The following TFEB variants were observed in gnomAD, a reference collection of about 807,000 sequenced individuals.
The protein encoded by TFEB is transcription factor EB.
Under a neutral mutation model 48.0 loss-of-function variants are expected in TFEB, and 12 were observed. The observed-to-expected ratio is 0.25, with a 90% CI of 0.16 to 0.40. TFEB has a LOEUF of 0.40. Ranked by LOEUF, TFEB falls within the 10% of genes least tolerant of loss-of-function variation. The pLI, the probability that TFEB is intolerant of heterozygous loss-of-function variation, is 1.00. For synonymous variants in TFEB, 244 were observed against 261.4 expected (o/e 0.93, Z 0.64); for missense variants, 509 against 640.3 (o/e 0.79, Z 2.21).
chr6:41,699,810 G>A (rs964495731), intron 1 of TFEB, among the ~76,000 whole-genome samples: 2 of 152,168 alleles, frequency 1.3e-5, no homozygotes, highest in African/African-American at 2.4e-5. Context: ...GAGGTCAATG[G>A]GACACGCACA....
intron 1 of TFEB, among the ~76,000 whole-genome samples, chr6:41,702,622 A>G (rs1235831133): frequency 7.2e-6 from 1 of 139,112 alleles, no homozygotes; most frequent in African/African-American, 2.5e-5. Flanking sequence ...ACGTCAGCCT[A>G]TGTGGTCAAT....
chr6:41,712,204 T>C (rs1322691188), intron 1 of TFEB, among the ~76,000 whole-genome samples: 2 of 152,136 alleles, frequency 1.3e-5, no homozygotes, highest in Admixed American at 6.5e-5. Flanking sequence ...TGAACCCCCA[T>C]GTTTCTCACA....
chr6:41,687,653 G>C (rs995982985), intron 6 of TFEB, 100 bp downstream of exon 6: 1 of 1,487,400 alleles, frequency 6.7e-7, no homozygotes, highest in Non-Finnish European at 9.3e-7. Context: ...GCCTTGAGCA[G>C]GGAAGCCTTC....
In TFEB at chr6:41,734,775, G is replaced by A; in HGVS notation, c.-23+575C>T. The A allele has an allele frequency of 1.5e-5, 9 of 616,962 alleles. No homozygotes were observed. The highest frequency in any genetic ancestry group is 1.6e-5 in the Non-Finnish European group (8 of 492,694). The allele number at this position is 616,962 out of a possible 1,614,324, so 38.2% of individuals were successfully genotyped here. On this transcript the variant is annotated intron_variant, in intron 1 of 8. Transcript: ENST00000373033. This position sits in a 1 kb window ranked among gnomAD's most constrained non-coding sequence, Gnocchi z 4.0. ...ACCGAGCTGGAGGAAGGGACGGGAA[G>A]GGAGGGAGAGATGGTACTTCCACCC...
intron 1 of TFEB, chr6:41,705,908 G>A (rs12525948): frequency 0.074 from 11,300 of 152,294 alleles, 547 homozygotes; most frequent in East Asian, 0.2. Flanking sequence ...TGCCGGGAGA[G>A]GCTCCCACCT....
intron 1 of TFEB, among the ~76,000 whole-genome samples, chr6:41,700,238 G>T (rs186838034): frequency 1.3e-5 from 2 of 151,764 alleles, no homozygotes; most frequent in Non-Finnish European, 2.9e-5. Flanking sequence ...AGGCTGAGGC[G>T]GGCGGATCAC....
chr6:41,714,143 G>C (rs1221236876), intron 1 of TFEB, among the ~76,000 whole-genome samples: 1 of 53,130 alleles, frequency 1.9e-5, no homozygotes, highest in Non-Finnish European at 3.2e-5. Flanking sequence ...ATGTGTGCGT[G>C]TGTGTGCATG....
At position 41,684,442 on chromosome 6, in the gene TFEB, G is replaced by A; in HGVS notation, c.*157C>T. 1 of 934,254 alleles carries A rather than the reference G, an allele frequency of 1.1e-6. No homozygotes were observed. Among genetic ancestry groups the A allele is most frequent in the East Asian group, 3.2e-5 (1 of 31,734 alleles). The allele number at this position is 934,254 out of a possible 1,614,324, so 57.9% of individuals were successfully genotyped here. Reference sequence around the variant, plus strand: ...CTTCTCCTGACCCCACAGGCTGCCAGACAGGCACTAAGTCCAAACAGGGGC... The same window carrying A: ...CTTCTCCTGACCCCACAGGCTGCCAAACAGGCACTAAGTCCAAACAGGGGC... On this transcript the variant is annotated 3_prime_UTR_variant, in exon 9 of 9. Transcript: ENST00000373033.
At chr6:41,719,873 G>A (rs759111765) in intron 1 of TFEB, among the ~76,000 whole-genome samples, 4 of 152,128 alleles carry the variant, frequency 2.6e-5, no homozygotes, top group African/African-American at 9.7e-5. Context: ...GTAACCTTGG[G>A]TGAGAGATTT....
At chr6:41,701,434 C>T (rs1385318409) in intron 1 of TFEB, among the ~76,000 whole-genome samples, 1 of 152,248 alleles carries the variant, frequency 6.6e-6, no homozygotes, top group Non-Finnish European at 1.5e-5. Context: ...AGAACCTCCA[C>T]ACCATCCCAC....
Position 41,691,669 on chromosome 6 carries a change from G to A in TFEB, c.-22-434C>T, listed in dbSNP as rs749763478. Among the ~76,000 whole-genome samples, 19 of 152,022 alleles carry A rather than the reference G, an allele frequency of 1.2e-4. No homozygotes were observed. Among genetic ancestry groups the A allele is most frequent in the Non-Finnish European group, 2.6e-4 (18 of 67,992 alleles). ...GACTGCCTCCTCTGGCTTGCCCTAG[G>A]ACGTTCTACTGGCAACTCAGTAGAG... On this transcript the variant is annotated intron_variant, in intron 1 of 8. Transcript: ENST00000373033. This position sits in a 1 kb window ranked among gnomAD's most constrained non-coding sequence, Gnocchi z 5.2.
intron 1 of TFEB, among the ~76,000 whole-genome samples, chr6:41,727,570 T>C (rs998265836): frequency 2.0e-5 from 3 of 152,214 alleles, no homozygotes; most frequent in Middle Eastern, 3.2e-3. Context: ...CACGTGCCTC[T>C]GGTCCCAGCT....
intron 1 of TFEB, among the ~76,000 whole-genome samples, chr6:41,692,640 G>C (rs1409824649): frequency 1.3e-5 from 2 of 152,222 alleles, no homozygotes; most frequent in Non-Finnish European, 2.9e-5. Context: ...CCCTAGGTAA[G>C]TGACCCTGGG....
In TFEB at chr6:41,691,530, C is replaced by T; in HGVS notation, c.-22-295G>A. 1 of 609,690 alleles carries T rather than the reference C, an allele frequency of 1.6e-6. No homozygotes were observed. Among genetic ancestry groups the T allele is most frequent in the Non-Finnish European group, 3.1e-6 (1 of 326,606 alleles). 37.8% of individuals were successfully genotyped at this position (609,690 alleles called of 1,614,324 possible). A position where few individuals can be genotyped will look rare whatever the true frequency, so the allele number is the denominator to read the frequency against. On this transcript the variant is annotated intron_variant, in intron 1 of 8. Coordinates refer to ENST00000373033, the MANE Select transcript of TFEB (RefSeq NM_001271944.2). This position sits in a 1 kb window ranked among gnomAD's most constrained non-coding sequence, Gnocchi z 5.2. ...CTTCCACTCCTCTCTGTGTCACGCC[C>T]ACATCCTGATCCTGTTAGATCCGAC...
chr6:41,725,987 C>T (rs1300942282), intron 1 of TFEB, among the ~76,000 whole-genome samples: 1 of 152,174 alleles, frequency 6.6e-6, no homozygotes, highest in African/African-American at 2.4e-5. Flanking sequence ...CTCACGCCTG[C>T]AATCCTGGCA....
intron 1 of TFEB, chr6:41,735,067 GC>G: frequency 1.0e-6 from 1 of 984,872 alleles, no homozygotes; most frequent in Non-Finnish European, 1.2e-6. Context: ...GGCCCCTCCC[GC>G]CCGGTTACAT....
chr6:41,708,610 T>C (rs972892920), intron 1 of TFEB, among the ~76,000 whole-genome samples: 2 of 152,238 alleles, frequency 1.3e-5, no homozygotes, highest in Non-Finnish European at 2.9e-5. Context: ...CTTGCCTTCC[T>C]GTCTCATGAA....
chr6:41,706,035 C>A (rs1255485894), intron 1 of TFEB: 1 of 152,108 alleles, frequency 6.6e-6, no homozygotes, highest in South Asian at 2.1e-4. Context: ...TCGCCAGGGC[C>A]GCCCTGCCCA....
chr6:41,688,670 C>T (rs1319477845), intron 4 of TFEB, among the ~76,000 whole-genome samples: 1 of 152,100 alleles, frequency 6.6e-6, no homozygotes, highest in African/African-American at 2.4e-5. Context: ...GCCCAGACAC[C>T]CCACAGTGTA....
Sources: gnomAD v4.1 joint callset for allele counts (sites outside exome capture counted in the v4.1 genomes callset) on GRCh38, gnomAD v4.1.1 for gene constraint, Gnocchi (gnomAD v3.1) non-coding constraint, MANE v1.5 for transcripts, NCBI Gene and HGNC (gene_info 2026-07-23, HGNC 2026-07-21) for gene names.